The following ZBTB20 variants were observed in gnomAD, a reference collection of about 807,000 sequenced individuals.
ZBTB20 encodes the protein zinc finger and BTB domain-containing protein 20.
Under a neutral mutation model 56.9 loss-of-function variants are expected in ZBTB20, and 9 were observed. The observed-to-expected ratio is 0.16, with a 90% CI of 0.10 to 0.28. The LOEUF (loss-of-function observed/expected upper bound fraction) is 0.28, where lower values mean the gene tolerates loss of function less well. ZBTB20 is among the 10% of genes least tolerant of loss of function. ZBTB20 has a pLI of 1.00. For synonymous variants in ZBTB20, 417 were observed against 420.7 expected (o/e 0.99, Z 0.11); for missense variants, 655 against 1,003.0 (o/e 0.65, Z 4.69).
At chr3:114,607,094 T>C (rs1382908123) in intron 6 of ZBTB20, among the ~76,000 whole-genome samples, 1 of 148,042 alleles carries the variant, frequency 6.8e-6, no homozygotes, top group African/African-American at 2.5e-5. Context: ...TGAGACTCAA[T>C]CTCAAATAAA....
chr3:115,092,928 CTAACT>C (rs748594587), intron 1 of ZBTB20, among the ~76,000 whole-genome samples: 1 of 152,134 alleles, frequency 6.6e-6, no homozygotes, highest in Non-Finnish European at 1.5e-5. Flanking sequence ...ATTACCCACC[CTAACT>C]TTTCTCCATT....
At chr3:114,620,310 G>C (rs546485046) in intron 6 of ZBTB20, among the ~76,000 whole-genome samples, 7 of 150,648 alleles carry the variant, frequency 4.6e-5, no homozygotes, top group South Asian at 2.1e-4. Flanking sequence ...CTTTTTTTTT[G>C]AGATGGAGTT....
Position 114,504,931 on chromosome 3 carries a change from T to A in ZBTB20, c.-294-4540A>T, listed in dbSNP as rs6770909. ...TGTGTGCCATTCCAAAATCTACATA[T>A]TTTTAACCACTAAATTACACTACCT... is the stretch of plus-strand genomic sequence containing the variant. On this transcript the variant is annotated intron_variant, in intron 6 of 11. Transcript: ENST00000675478. 9.3e-3 allele frequency among the ~76,000 whole-genome samples: 1,419 copies of A among 152,308 alleles called. 23 individuals carry two copies. Among genetic ancestry groups the A allele is most frequent in the African/African-American group, 0.031 (1,305 of 41,580 alleles).
At chr3:114,485,426 T>C (rs921761346) in intron 7 of ZBTB20, among the ~76,000 whole-genome samples, 3 of 152,198 alleles carry the variant, frequency 2.0e-5, no homozygotes, top group African/African-American at 7.2e-5. Context: ...CAAATCTGCA[T>C]CCATATTGGG....
At chr3:114,870,674 A>G (rs2075969797) in intron 4 of ZBTB20, among the ~76,000 whole-genome samples, 1 of 151,818 alleles carries the variant, frequency 6.6e-6, no homozygotes. Flanking sequence ...ACCCCTCAAT[A>G]TATATTAAAA....
intron 4 of ZBTB20, among the ~76,000 whole-genome samples, chr3:114,809,020 T>C (rs996396476): frequency 4.6e-5 from 7 of 152,098 alleles, no homozygotes; most frequent in African/African-American, 1.4e-4. Context: ...CTCTACCTCC[T>C]GGCTTTGTTT....
chr3:114,414,629 A>G (rs952760642), intron 7 of ZBTB20, among the ~76,000 whole-genome samples: 5 of 151,532 alleles, frequency 3.3e-5, no homozygotes, highest in Admixed American at 1.3e-4. Flanking sequence ...ATATAATACA[A>G]AATACCTGTA....
intron 2 of ZBTB20, among the ~76,000 whole-genome samples, chr3:114,996,258 G>A (rs1248109790): frequency 6.6e-6 from 1 of 151,722 alleles, no homozygotes; most frequent in Non-Finnish European, 1.5e-5. Flanking sequence ...TGTAGAACAT[G>A]CAGGTTTGTT....
chr3:114,655,763 C>G (rs2060378146), intron 6 of ZBTB20, among the ~76,000 whole-genome samples: 1 of 152,072 alleles, frequency 6.6e-6, no homozygotes, highest in Admixed American at 6.6e-5. Flanking sequence ...TTTACTGCCA[C>G]CCAGTACTTT....
intron 7 of ZBTB20, among the ~76,000 whole-genome samples, chr3:114,462,293 T>C (rs923448675): frequency 6.6e-6 from 1 of 152,136 alleles, no homozygotes; most frequent in Non-Finnish European, 1.5e-5. Context: ...AGGCTGGAAG[T>C]CTGTAGATGT....
intron 11 of ZBTB20, among the ~76,000 whole-genome samples, chr3:114,342,170 GCAGT>G (rs770180650): frequency 2.6e-5 from 4 of 152,100 alleles, no homozygotes; most frequent in Non-Finnish European, 5.9e-5. Flanking sequence ...AATTTGAAAC[GCAGT>G]CACTCAGCAG....
At chr3:114,798,414 T>C (rs1265568831) in intron 5 of ZBTB20, among the ~76,000 whole-genome samples, 3 of 151,896 alleles carry the variant, frequency 2.0e-5, no homozygotes, top group Non-Finnish European at 4.4e-5. Context: ...CTCCTTTATA[T>C]ATGAATTTGA....
chr3:114,840,565 T>C (rs955566538), intron 4 of ZBTB20, among the ~76,000 whole-genome samples: 1 of 152,208 alleles, frequency 6.6e-6, no homozygotes, highest in African/African-American at 2.4e-5. Flanking sequence ...AGAGTATTAG[T>C]AGAAAATGTT....
At chr3:114,577,671 C>A (rs903619691) in intron 6 of ZBTB20, among the ~76,000 whole-genome samples, 1 of 152,090 alleles carries the variant, frequency 6.6e-6, no homozygotes, top group Non-Finnish European at 1.5e-5. Flanking sequence ...TGGACCTGAA[C>A]CTGGCTTACT....
At chr3:114,502,069 C>T (rs1313494892) in intron 6 of ZBTB20, among the ~76,000 whole-genome samples, 2 of 152,046 alleles carry the variant, frequency 1.3e-5, no homozygotes, top group African/African-American at 2.4e-5. Flanking sequence ...AGAGCCATGA[C>T]AAATTAATAA....
intron 6 of ZBTB20, among the ~76,000 whole-genome samples, chr3:114,670,136 C>A (rs1483200810): frequency 6.6e-6 from 1 of 151,982 alleles, no homozygotes; most frequent in African/African-American, 2.4e-5. Context: ...TTCATAAGAG[C>A]ATTTGGATAC....
chr3:114,517,882 T>A (rs115977502), intron 6 of ZBTB20, among the ~76,000 whole-genome samples: 2,762 of 152,162 alleles, frequency 0.018, 48 homozygotes, highest in South Asian at 0.027. Flanking sequence ...CCATTTGACA[T>A]GTATTTTTTA....
chr3:114,316,497 T>C lies in ZBTB20; in HGVS notation c.*22508A>G. ...GCACATATACACACCTATACATGTA[T>C]AATATATACACTATATATATGTGGA... On this transcript the variant is annotated 3_prime_UTR_variant, in exon 12 of 12. Coordinates refer to ENST00000675478, the MANE Select transcript of ZBTB20 (RefSeq NM_001348800.3). 1.9e-6 allele frequency: 1 copy of C among 522,118 alleles called. No individual in the cohort carries two copies. Among genetic ancestry groups the C allele is most frequent in the Non-Finnish European group, 3.9e-6 (1 of 254,748 alleles). 32.3% of individuals were successfully genotyped at this position (522,118 alleles called of 1,614,324 possible).
intron 6 of ZBTB20, among the ~76,000 whole-genome samples, chr3:114,685,237 G>A (rs1481024463): frequency 2.0e-5 from 3 of 152,154 alleles, no homozygotes; most frequent in Non-Finnish European, 4.4e-5. Context: ...GTGAATTGGT[G>A]ATTGAGGTAA....
Sources: gnomAD v4.1 joint callset for allele counts (sites outside exome capture counted in the v4.1 genomes callset) on GRCh38, gnomAD v4.1.1 for gene constraint, MANE v1.5 for transcripts, NCBI Gene and HGNC (gene_info 2026-07-23, HGNC 2026-07-21) for gene names.